The following FRMD4B variants were observed in gnomAD, a reference collection of about 807,000 sequenced individuals.
FRMD4B encodes the protein FERM domain-containing protein 4B.
FRMD4B carries 74 observed loss-of-function variants against 141.5 expected under a neutral mutation model. The observed-to-expected ratio is 0.52, with a 90% CI of 0.43 to 0.63. The LOEUF (loss-of-function observed/expected upper bound fraction) is 0.63. Ranked by LOEUF, FRMD4B falls within the 30% of genes least tolerant of loss-of-function variation. The pLI is 0.00. For synonymous variants in FRMD4B, 506 were observed against 467.9 expected, an observed-to-expected ratio of 1.08 and a Z score of -1.05; for missense variants, 1,366 against 1,253.4, an observed-to-expected ratio of 1.09 and a Z score of -1.36.
intron 11 of FRMD4B, among the ~76,000 whole-genome samples, chr3:69,211,952 A>G (rs1398309249): frequency 1.3e-5 from 2 of 152,062 alleles, no homozygotes; most frequent in East Asian, 1.9e-4. Context: ...AAAAATAAAT[A>G]TATGGAAGCA....
intron 11 of FRMD4B, among the ~76,000 whole-genome samples, chr3:69,208,442 C>A (rs905846359): frequency 6.6e-6 from 1 of 152,062 alleles, no homozygotes; most frequent in Non-Finnish European, 1.5e-5. Flanking sequence ...TCAAGTGATC[C>A]GCCTACGTCG....
chr3:69,450,733 G>A (rs138259707), intron 1 of FRMD4B, among the ~76,000 whole-genome samples: 3 of 151,170 alleles, frequency 2.0e-5, no homozygotes, highest in Admixed American at 6.6e-5. Context: ...CAGCTTGGGC[G>A]ACAAGAGTGA....
At chr3:69,443,532 T>C (rs2106869028) in intron 1 of FRMD4B, among the ~76,000 whole-genome samples, 1 of 152,318 alleles carries the variant, frequency 6.6e-6, no homozygotes, top group South Asian at 2.1e-4. Context: ...TGGTCAAAAG[T>C]GCAGAGGGCC....
intron 1 of FRMD4B, chr3:69,535,834 C>A: frequency 2.1e-6 from 1 of 468,278 alleles, no homozygotes; most frequent in South Asian, 1.6e-5. Context: ...GGCAGCTGCC[C>A]CTTTAGGAGC....
chr3:69,209,965 C>T (rs1417028837), intron 11 of FRMD4B, among the ~76,000 whole-genome samples: 23 of 152,148 alleles, frequency 1.5e-4, no homozygotes, highest in Non-Finnish European at 3.2e-4. Flanking sequence ...ATAACCAAGT[C>T]ACTGTCTTTA....
intron 19 of FRMD4B, among the ~76,000 whole-genome samples, chr3:69,187,408 G>T (rs2092780025): frequency 6.6e-6 from 1 of 151,416 alleles, no homozygotes; most frequent in South Asian, 2.1e-4. Flanking sequence ...AGCTGGGTGT[G>T]GTGGCTTGTA....
intron 2 of FRMD4B, among the ~76,000 whole-genome samples, chr3:69,408,585 G>A (rs1704695264): frequency 6.6e-6 from 1 of 152,216 alleles, no homozygotes; most frequent in African/African-American, 2.4e-5. Flanking sequence ...AGTGGAAAAT[G>A]CTGTAAAACA....
intron 7 of FRMD4B, among the ~76,000 whole-genome samples, chr3:69,229,325 C>A (rs2093284308): frequency 6.6e-6 from 1 of 151,946 alleles, no homozygotes; most frequent in African/African-American, 2.4e-5. Context: ...CATGGCCAGC[C>A]CCCCAAAATT....
chr3:69,409,242 T>A (rs1169008669), intron 2 of FRMD4B, among the ~76,000 whole-genome samples: 2 of 152,168 alleles, frequency 1.3e-5, no homozygotes, highest in African/African-American at 4.8e-5. Flanking sequence ...GCTCAGTCTT[T>A]ACCCTAGAGC....
chr3:69,226,511 T>C (rs2093255950), intron 7 of FRMD4B, among the ~76,000 whole-genome samples: 1 of 151,974 alleles, frequency 6.6e-6, no homozygotes, highest in African/African-American at 2.4e-5. Flanking sequence ...AATGCATGCA[T>C]GTATTCAAAA....
In FRMD4B at chr3:69,311,567, G is replaced by C. The variant is rs551860622; in HGVS notation, c.229-210C>G. 5.3e-5 allele frequency among the ~76,000 whole-genome samples: 8 copies of C among 152,248 alleles called. No individual in the cohort carries two copies. The East Asian group carries it at 1.5e-3, about 29-fold the overall frequency. ...GAGATGGGAATAGGAATATCAATGAGACTATCATTTTCATGTATTTGCAAT... is the reference window on the plus strand; with the variant it reads ...GAGATGGGAATAGGAATATCAATGACACTATCATTTTCATGTATTTGCAAT... On this transcript the variant is annotated intron_variant, in intron 2 of 22. Transcript: ENST00000398540.
rs1047892527 is a variant in FRMD4B, at chr3:69,170,490, G to A, written c.*1371C>T. 4.6e-4 allele frequency: 70 copies of A among 151,446 alleles called. No individual in the cohort carries two copies. Among genetic ancestry groups the A allele is most frequent in the African/African-American group, 1.6e-3 (67 of 41,134 alleles). The allele number at this position is 151,446 out of a possible 1,614,324, so 9.4% of individuals were successfully genotyped here. A position where few individuals can be genotyped will look rare whatever the true frequency, so the allele number is the denominator to read the frequency against. On this transcript the variant is annotated 3_prime_UTR_variant, in exon 23 of 23. Transcript: ENST00000398540. Reference sequence around the variant, plus strand: ...TGACTAAGGACCAGTTTAACAAATCGTTTTTATGTATATATTACATGCTTT... The same window carrying A: ...TGACTAAGGACCAGTTTAACAAATCATTTTTATGTATATATTACATGCTTT...
chr3:69,446,089 G>T (rs748983502), intron 1 of FRMD4B, among the ~76,000 whole-genome samples: 4 of 152,092 alleles, frequency 2.6e-5, no homozygotes, highest in Admixed American at 1.3e-4. Context: ...GTGCAGTGGC[G>T]TGATCTTAAC....
At chr3:69,331,114 C>T (rs1041412392) in intron 1 of FRMD4B, among the ~76,000 whole-genome samples, 7 of 152,184 alleles carry the variant, frequency 4.6e-5, no homozygotes, top group African/African-American at 9.7e-5. Flanking sequence ...GTGTCCCTAT[C>T]TCAAAGCTGT....
intron 1 of FRMD4B, among the ~76,000 whole-genome samples, chr3:69,478,505 T>C (rs1228848295): frequency 2.0e-5 from 3 of 152,208 alleles, no homozygotes; most frequent in Admixed American, 6.5e-5. Context: ...TTCCATGTAG[T>C]TGAGCGGTTT....
At chr3:69,306,625 C>G (rs910207744) in intron 3 of FRMD4B, 1 of 152,198 alleles carries the variant, frequency 6.6e-6, no homozygotes, top group African/African-American at 2.4e-5. Flanking sequence ...GAAATGCTAT[C>G]CCTCTCCCAG....
At chr3:69,488,876 G>C (rs1425916447) in intron 1 of FRMD4B, among the ~76,000 whole-genome samples, 2 of 120,730 alleles carry the variant, frequency 1.7e-5, no homozygotes, top group East Asian at 5.2e-4. Flanking sequence ...CTGGGTGACA[G>C]AGCGAGACTC....
chr3:69,494,917 A>AGGAAG (rs1346608038), intron 1 of FRMD4B, among the ~76,000 whole-genome samples: 5 of 146,108 alleles, frequency 3.4e-5, no homozygotes, highest in African/African-American at 1.0e-4. Context: ...AGGAAAGGAA[A>AGGAAG]GGAAGGGAAG....
At chr3:69,319,489 C>T (rs933965419) in intron 1 of FRMD4B, among the ~76,000 whole-genome samples, 1 of 152,100 alleles carries the variant, frequency 6.6e-6, no homozygotes, top group African/African-American at 2.4e-5. Flanking sequence ...GTTAACAAGT[C>T]ACTTAACAAG....
Sources: gnomAD v4.1 joint callset for allele counts (sites outside exome capture counted in the v4.1 genomes callset) on GRCh38, gnomAD v4.1.1 for gene constraint, MANE v1.5 for transcripts, NCBI Gene and HGNC (gene_info 2026-07-23, HGNC 2026-07-21) for gene names.